CCDC6: variants seen among roughly 807,000 people sequenced by gnomAD.
CCDC6 encodes the protein coiled-coil domain-containing protein 6.
In CCDC6, 20 loss-of-function variants were observed where a neutral mutation model predicts 56.6. The observed-to-expected ratio is 0.35, with a 90% CI of 0.25 to 0.51. CCDC6 has a LOEUF of 0.51. CCDC6 is among the 20% of genes least tolerant of loss of function. The probability of loss-of-function intolerance (pLI) is 0.95; values close to 1 mark genes in which losing one functional copy is unlikely to be tolerated. For missense variants in CCDC6, 367 were observed against 601.1 expected (o/e 0.61, Z 4.07); for synonymous variants, 241 against 234.4 (o/e 1.03, Z -0.26).
chr10:59,875,206 T>C (rs1409439010), intron 1 of CCDC6, among the ~76,000 whole-genome samples: 2 of 152,206 alleles, frequency 1.3e-5, no homozygotes, highest in African/African-American at 4.8e-5. Context: ...TAGAAGCACA[T>C]AAACCAGAAT....
intron 1 of CCDC6, 51 bp downstream of exon 1, chr10:59,906,070 TC>T: frequency 6.7e-7 from 1 of 1,491,328 alleles, no homozygotes; most frequent in Non-Finnish European, 9.1e-7. Flanking sequence ...GTGCAGCCCC[TC>T]CCGGGGCGGG....
chr10:59,903,446 G>C (rs926309582), intron 1 of CCDC6, among the ~76,000 whole-genome samples: 7 of 152,052 alleles, frequency 4.6e-5, no homozygotes, highest in Non-Finnish European at 8.8e-5. Context: ...GAAGATAAAA[G>C]TGCTCTAAAA....
intron 1 of CCDC6, among the ~76,000 whole-genome samples, chr10:59,868,540 C>T (rs1051375368): frequency 2.0e-5 from 3 of 152,192 alleles, no homozygotes; most frequent in African/African-American, 7.2e-5. Flanking sequence ...CATTTGCTGG[C>T]TCCAGGTCTC....
chr10:59,832,772 T>C, intron 2 of CCDC6, 119 bp from the exon 3 acceptor site: 1 of 1,026,218 alleles, frequency 9.7e-7, no homozygotes, highest in Non-Finnish European at 1.4e-6. Flanking sequence ...TACCCATTTT[T>C]GCTCAAATGT....
intron 2 of CCDC6, among the ~76,000 whole-genome samples, chr10:59,850,698 AT>A (rs140703802): frequency 2.0e-5 from 3 of 151,648 alleles, no homozygotes; most frequent in South Asian, 2.1e-4. Context: ...TTAGTCTATG[AT>A]TTTTTTTTCT....
chr10:59,863,132 AAAAACAGAAGAAATGATAT>A (rs2071148197), intron 1 of CCDC6, among the ~76,000 whole-genome samples: 1 of 152,224 alleles, frequency 6.6e-6, no homozygotes, highest in Non-Finnish European at 1.5e-5. Flanking sequence ...AATAAACTAA[AAAAACAGAAGAAATGATAT>A]ATTGCTTAGA....
At chr10:59,795,338 C>T (rs914185879) in intron 7 of CCDC6, among the ~76,000 whole-genome samples, 1 of 152,214 alleles carries the variant, frequency 6.6e-6, no homozygotes, top group Non-Finnish European at 1.5e-5. Flanking sequence ...AAAAAAGATA[C>T]ACAAATGTGC....
chr10:59,796,420 G>A (rs1479114347), intron 7 of CCDC6, among the ~76,000 whole-genome samples: 1 of 151,732 alleles, frequency 6.6e-6, no homozygotes, highest in African/African-American at 2.4e-5. Flanking sequence ...CCAATTTGTA[G>A]GTTGTATAAA....
chr10:59,834,790 C>A (rs2070867359), intron 2 of CCDC6, among the ~76,000 whole-genome samples: 2 of 152,082 alleles, frequency 1.3e-5, no homozygotes, highest in Admixed American at 1.3e-4. Flanking sequence ...TTCTGCAAGA[C>A]CAAGCAGCAA....
At chr10:59,836,753 A>G (rs2070886802) in intron 2 of CCDC6, among the ~76,000 whole-genome samples, 1 of 152,238 alleles carries the variant, frequency 6.6e-6, no homozygotes, top group African/African-American at 2.4e-5. Context: ...GTTAACACTA[A>G]TAAAAATATC....
chr10:59,893,178 C>A (rs1204102772), intron 1 of CCDC6, among the ~76,000 whole-genome samples: 1 of 152,104 alleles, frequency 6.6e-6, no homozygotes, highest in East Asian at 1.9e-4. Flanking sequence ...TGAGATAAAT[C>A]AGAACAGGGT....
chr10:59,835,602 GT>G (rs904548158), intron 2 of CCDC6, among the ~76,000 whole-genome samples: 1 of 152,184 alleles, frequency 6.6e-6, no homozygotes, highest in Admixed American at 6.5e-5. Context: ...AAGATTCACA[GT>G]TTTTATCATC....
At chr10:59,858,829 C>G (rs531073123) in intron 1 of CCDC6, among the ~76,000 whole-genome samples, 1 of 152,282 alleles carries the variant, frequency 6.6e-6, no homozygotes, top group African/African-American at 2.4e-5. Flanking sequence ...AACTTATTTT[C>G]TTATGGGCAA....
chr10:59,840,766 C>CT (rs1157323116), intron 2 of CCDC6, among the ~76,000 whole-genome samples: 5 of 152,110 alleles, frequency 3.3e-5, no homozygotes, highest in Admixed American at 2.0e-4. Flanking sequence ...TTTCTTGATC[C>CT]TTTTTTTCTA....
At chr10:59,845,281 T>C (rs1051542100) in intron 2 of CCDC6, among the ~76,000 whole-genome samples, 1 of 151,856 alleles carries the variant, frequency 6.6e-6, no homozygotes, top group Non-Finnish European at 1.5e-5. Context: ...ATCTACTTTT[T>C]CTCACATTTT....
intron 4 of CCDC6, 34 bp from the exon 5 acceptor site, chr10:59,812,829 A>T: frequency 6.5e-7 from 1 of 1,528,840 alleles, no homozygotes; most frequent in Non-Finnish European, 9.0e-7. Context: ...ACAATGACTA[A>T]CAGTTTTCCT....
intron 1 of CCDC6, among the ~76,000 whole-genome samples, chr10:59,868,544 AG>A (rs1451361066): frequency 6.6e-6 from 1 of 152,232 alleles, no homozygotes; most frequent in African/African-American, 2.4e-5. Flanking sequence ...TGCTGGCTCC[AG>A]GTCTCTTATT....
chr10:59,846,380 G>A (rs1170520883), intron 2 of CCDC6, among the ~76,000 whole-genome samples: 1 of 152,166 alleles, frequency 6.6e-6, no homozygotes, highest in African/African-American at 2.4e-5. Context: ...GAACTGCTCA[G>A]CTATAAATCA....
At chr10:59,801,774 TTATAA>T (rs958395507) in intron 7 of CCDC6, among the ~76,000 whole-genome samples, 21 of 152,298 alleles carry the variant, frequency 1.4e-4, no homozygotes, top group South Asian at 8.3e-4. Flanking sequence ...TTAAATAATG[TTATAA>T]TATAGTAATT....
Sources: gnomAD v4.1 joint callset for allele counts (sites outside exome capture counted in the v4.1 genomes callset) on GRCh38, gnomAD v4.1.1 for gene constraint, MANE v1.5 for transcripts, NCBI Gene and HGNC (gene_info 2026-07-23, HGNC 2026-07-21) for gene names.